FAAP20: variants seen among roughly 807,000 people sequenced by gnomAD.
FAAP20 encodes Fanconi anemia core complex-associated protein 20.
A neutral mutation model predicts 16.2 loss-of-function variants in FAAP20; 12 were observed. That is an observed-to-expected ratio of 0.74 (90% CI 0.48 to 1.20). The LOEUF (loss-of-function observed/expected upper bound fraction) is 1.20. Among genes scored for constraint, FAAP20 ranks in the 50% most tolerant of loss-of-function variants. The probability of loss-of-function intolerance (pLI) is 0.00; values close to 1 mark genes in which losing one functional copy is unlikely to be tolerated. For synonymous variants in FAAP20, 141 were observed against 110.7 expected, an observed-to-expected ratio of 1.27 and a Z score of -1.72; for missense variants, 288 against 245.8, an observed-to-expected ratio of 1.17 and a Z score of -1.15.
upstream of FAAP20, chr1:2,198,580 C>G (rs376735952): frequency 2.1e-6 from 2 of 937,382 alleles, no homozygotes. Flanking sequence ...CGGTGACGGG[C>G]CCTGAGGCTG....
rs1688136772 is a variant in FAAP20, at chr1:2,190,811, G to C, written c.471-1030C>G. 1.7e-5 allele frequency: 4 copies of C among 231,288 alleles called. No homozygotes were observed. In the South Asian group the frequency reaches 2.1e-4, roughly 12 times the overall value. 14.3% of individuals were successfully genotyped at this position (231,288 alleles called of 1,614,324 possible). A position where few individuals can be genotyped will look rare whatever the true frequency, so the allele number is the denominator to read the frequency against. On this transcript the variant is annotated intron_variant, in intron 3 of 3. Transcript: ENST00000378546. ...AGGACACGTGTCCCTGTGTCCACCTGTCAGCCACACCGCCCCTCGCTCCCC... is the reference window on the plus strand; with the variant it reads ...AGGACACGTGTCCCTGTGTCCACCTCTCAGCCACACCGCCCCTCGCTCCCC...
upstream of FAAP20, among the ~76,000 whole-genome samples, chr1:2,195,032 C>CGTTA (rs1688749345): frequency 2.0e-5 from 3 of 152,008 alleles, no homozygotes; most frequent in African/African-American, 7.2e-5. Context: ...GAGCCCCCTC[C>CGTTA]GTTACCCCGA....
upstream of FAAP20, chr1:2,199,123 C>A: frequency 8.4e-7 from 1 of 1,186,386 alleles, no homozygotes; most frequent in Non-Finnish European, 1.1e-6. The surrounding 1 kb of genome is among the most constrained non-coding windows in gnomAD (Gnocchi z 4.5). Flanking sequence ...GGGGAGGGCC[C>A]TGGCCCGGGA....
chr1:2,192,646 C>T (rs1024599550), intron 3 of FAAP20: 8 of 1,186,820 alleles, frequency 6.7e-6, no homozygotes, highest in African/African-American at 4.8e-5. Context: ...CAGGGTCTTA[C>T]TCTGTCACCC....
At chr1:2,192,528 C>A in intron 3 of FAAP20, 6 of 1,004,514 alleles carry the variant, frequency 6.0e-6, no homozygotes, top group Non-Finnish European at 7.1e-6. Flanking sequence ...AAAAGCCCCT[C>A]CCCGGGGGGC....
downstream of FAAP20, among the ~76,000 whole-genome samples, chr1:2,208,012 A>C (rs1042547252): frequency 2.0e-5 from 3 of 151,772 alleles, no homozygotes; most frequent in African/African-American, 7.3e-5. Context: ...GCGTGCCTGC[A>C]CGTGTGTGGA....
rs1416994391 is a variant in FAAP20, at chr1:2,199,795, TG to T, written n.112del. The T allele has an allele frequency of 3.1e-6, 1 of 322,132 alleles. No individual in the cohort carries two copies. Among genetic ancestry groups the T allele is most frequent in the Non-Finnish European group, 4.5e-6 (1 of 223,674 alleles). The allele number at this position is 322,132 out of a possible 1,614,324, so 20.0% of individuals were successfully genotyped here. A position where few individuals can be genotyped will look rare whatever the true frequency, so the allele number is the denominator to read the frequency against. Reference sequence around the variant, plus strand: ...AGTGTTCTTGTAAGAAAAGGAAAATTGTCCGGGTGCAGTGTCTCACGCCTGC... The same window carrying T: ...AGTGTTCTTGTAAGAAAAGGAAAATTTCCGGGTGCAGTGTCTCACGCCTGC... On this transcript the variant is annotated non_coding_transcript_exon_variant, in exon 1 of 4. Coordinates refer to the FAAP20 transcript ENST00000401813. This position sits in a 1 kb window ranked among gnomAD's most constrained non-coding sequence, Gnocchi z 4.5.
At chr1:2,193,470 G>C in intron 3 of FAAP20, 169 bp downstream of exon 3, 1 of 1,107,888 alleles carries the variant, frequency 9.0e-7, no homozygotes, top group Non-Finnish European at 1.2e-6. Context: ...CCAGACCCGT[G>C]ACAGAGAGCC....
At chr1:2,187,340 T>C (rs1247204194), downstream of FAAP20, 5 of 344,196 alleles carry the variant, frequency 1.5e-5, no homozygotes, top group Non-Finnish European at 2.9e-5. Flanking sequence ...AGTATTACTC[T>C]GTAGCCCAGG....
intron 3 of FAAP20, chr1:2,192,965 T>C: frequency 3.1e-6 from 4 of 1,304,068 alleles, no homozygotes; most frequent in Non-Finnish European, 4.0e-6. Flanking sequence ...ATTCCCGAGC[T>C]GTTTTTGCTT....
chr1:2,199,377 G>T, upstream of FAAP20: 1 of 1,017,824 alleles, frequency 9.8e-7, no homozygotes, highest in South Asian at 3.5e-5. The surrounding 1 kb of genome is among the most constrained non-coding windows in gnomAD (Gnocchi z 4.5). Context: ...ACGTCCCCCC[G>T]CCCGGAGAAG....
chr1:2,211,734 C>A (rs2100772547), downstream of FAAP20, among the ~76,000 whole-genome samples: 1 of 151,384 alleles, frequency 6.6e-6, no homozygotes, highest in African/African-American at 2.4e-5. Flanking sequence ...CAGGCATGAG[C>A]CACCGTGCCC....
At chr1:2,186,985 T>C (rs1317694792), downstream of FAAP20, 3 of 302,350 alleles carry the variant, frequency 9.9e-6, no homozygotes, top group African/African-American at 6.7e-5. Context: ...TGTATTGAAG[T>C]GTGGTTTGAA....
chr1:2,184,568 T>C, downstream of FAAP20: 2 of 1,609,236 alleles, frequency 1.2e-6, no homozygotes, highest in Non-Finnish European at 1.7e-6. Flanking sequence ...ACCCTTCTCC[T>C]ATTGTTTTTC....
Position 2,194,042 on chromosome 1 carries a change from T to C in FAAP20, c.154A>G (p.Ile52Val), listed in dbSNP as rs892967703. The C allele has an allele frequency of 6.2e-7, 1 of 1,612,574 alleles. No homozygotes were observed. Among genetic ancestry groups the C allele is most frequent in the Non-Finnish European group, 8.5e-7 (1 of 1,179,934 alleles). The change falls in exon 2 of 4, where the codon ATC becomes GTC. Residue 52 changes from isoleucine (I) to valine (V), a missense_variant. Transcript: ENST00000378546. ...ELLRTVSPELILDHEVPSLPA... is the reference protein window; with the variant it reads ...ELLRTVSPELVLDHEVPSLPA... ...AGTGAAGGCACCTCGTGATCCAGGA[T>C]CAGCTCCGGGCTCACCGTGCGCAGT...
chr1:2,202,108 TC>T (rs1472642099), upstream of FAAP20, among the ~76,000 whole-genome samples: 1 of 152,180 alleles, frequency 6.6e-6, no homozygotes, highest in Non-Finnish European at 1.5e-5. Flanking sequence ...GTTTCTCTTT[TC>T]CCCTGGGTGC....
In FAAP20 at chr1:2,189,765, C is replaced by A. The variant is rs1242501181; in HGVS notation, c.487G>T (p.Val163Phe). 2 of 1,612,744 alleles carry A rather than the reference C, an allele frequency of 1.2e-6. No individual in the cohort carries two copies. Among genetic ancestry groups the A allele is most frequent in the Non-Finnish European group, 1.7e-6 (2 of 1,179,646 alleles). ...AAGCACTGGGCCAGGTGGCTGTCAACATCCAGCTGGGTCAGCCTGCAAGGG... is the reference window on the plus strand; with the variant it reads ...AAGCACTGGGCCAGGTGGCTGTCAAAATCCAGCTGGGTCAGCCTGCAAGGG... Reference protein sequence around the residue: ...EFAPRLTQLDVDSHLAQCLAE... With the variant: ...EFAPRLTQLDFDSHLAQCLAE... The change falls in exon 4 of 4, where the codon GTT becomes TTT. Residue 163 changes from valine (V) to phenylalanine (F), a missense_variant. Val to Phe is a conservative substitution (Grantham distance 50). Transcript: ENST00000378546.
At chr1:2,207,305 C>T (rs1296738592), downstream of FAAP20, among the ~76,000 whole-genome samples, 4 of 152,300 alleles carry the variant, frequency 2.6e-5, no homozygotes, top group East Asian at 1.9e-4. Context: ...CACCCTTCGC[C>T]GGCCTTCTTG....
At chr1:2,191,664 C>G in intron 3 of FAAP20, 1 of 203,046 alleles carries the variant, frequency 4.9e-6, no homozygotes, top group Non-Finnish European at 8.7e-6. Context: ...TCGCTTGAAC[C>G]CGGGAGGCAG....
Sources: gnomAD v4.1 joint callset for allele counts (sites outside exome capture counted in the v4.1 genomes callset) on GRCh38, gnomAD v4.1.1 for gene constraint, Gnocchi (gnomAD v3.1) non-coding constraint, MANE v1.5 for transcripts, NCBI Gene and HGNC (gene_info 2026-07-23, HGNC 2026-07-21) for gene names.